GRID1: variants seen among roughly 807,000 people sequenced by gnomAD.
The protein encoded by GRID1 is glutamate ionotropic receptor delta type subunit 1, also known as glutamate receptor ionotropic, delta-1.
A neutral mutation model predicts 98.0 loss-of-function variants in GRID1; 28 were observed. The observed-to-expected ratio is 0.29, with a 90% CI of 0.21 to 0.39. The LOEUF (loss-of-function observed/expected upper bound fraction) is 0.39, where lower values mean the gene tolerates loss of function less well. Ranked by LOEUF, GRID1 falls within the 10% of genes least tolerant of loss-of-function variation. The pLI, the probability that GRID1 is intolerant of heterozygous loss-of-function variation, is 1.00. For synonymous variants in GRID1, 553 were observed against 538.5 expected, an observed-to-expected ratio of 1.03 and a Z score of -0.37; for missense variants, 1,111 against 1,340.5, an observed-to-expected ratio of 0.83 and a Z score of 2.67.
chr10:86,346,732 C>T lies in GRID1; in HGVS notation c.235+17209G>A, dbSNP rs140550045. Among the ~76,000 whole-genome samples, 972 of 152,312 alleles carry T rather than the reference C, an allele frequency of 6.4e-3. 7 individuals carry two copies. Among genetic ancestry groups the T allele is most frequent in the Non-Finnish European group, 9.4e-3 (638 of 68,014 alleles). On this transcript the variant is annotated intron_variant, in intron 2 of 15. Coordinates refer to ENST00000327946, the MANE Select transcript of GRID1 (RefSeq NM_017551.3). The stretch of plus-strand genomic sequence containing the variant: ...TGGCCCCACTAGGCAGAAGGATAAA[C>T]AGAGGCTGGCCAGGAGGATGGGGCA...
chr10:86,128,254 A>G (rs1227028282), intron 4 of GRID1, among the ~76,000 whole-genome samples: 1 of 152,024 alleles, frequency 6.6e-6, no homozygotes, highest in African/African-American at 2.4e-5. Flanking sequence ...TCTTATTTAA[A>G]TCGAAGTGGT....
At chr10:85,829,101 G>C (rs1008945117) in intron 8 of GRID1, among the ~76,000 whole-genome samples, 4 of 151,976 alleles carry the variant, frequency 2.6e-5, no homozygotes, top group African/African-American at 4.8e-5. Context: ...ATCAAAAAGC[G>C]AATCCACCAC....
intron 12 of GRID1, among the ~76,000 whole-genome samples, chr10:85,717,026 A>G (rs1841647770): frequency 6.6e-6 from 1 of 152,188 alleles, no homozygotes; most frequent in African/African-American, 2.4e-5. Context: ...GATGAATAAG[A>G]TCTGGAGATA....
At chr10:86,173,354 C>T (rs1474166570) in intron 3 of GRID1, among the ~76,000 whole-genome samples, 1 of 152,156 alleles carries the variant, frequency 6.6e-6, no homozygotes, top group Admixed American at 6.5e-5. Context: ...AGAATTTTTT[C>T]TAAATGCAAT....
chr10:85,955,403 C>T (rs372805279), intron 4 of GRID1, among the ~76,000 whole-genome samples: 2 of 152,072 alleles, frequency 1.3e-5, no homozygotes, highest in African/African-American at 2.4e-5. Context: ...AGAACCTGGA[C>T]GCAATGGCCT....
At chr10:86,348,927 A>G (rs1247852348) in intron 2 of GRID1, among the ~76,000 whole-genome samples, 1 of 152,210 alleles carries the variant, frequency 6.6e-6, no homozygotes, top group African/African-American at 2.4e-5. Context: ...AGCATGTACA[A>G]CTACAGAGCT....
chr10:85,673,691 C>T (rs1841112916), intron 12 of GRID1, among the ~76,000 whole-genome samples: 1 of 152,178 alleles, frequency 6.6e-6, no homozygotes, highest in African/African-American at 2.4e-5. Flanking sequence ...CTATTGAATA[C>T]TTAATAGACT....
At chr10:85,850,783 T>G (rs541139867) in intron 8 of GRID1, among the ~76,000 whole-genome samples, 1 of 152,272 alleles carries the variant, frequency 6.6e-6, no homozygotes, top group South Asian at 2.1e-4. Flanking sequence ...GACCCCTCCA[T>G]CCAACAATTA....
At chr10:86,222,590 CTG>C (rs1846274157) in intron 2 of GRID1, among the ~76,000 whole-genome samples, 1 of 152,186 alleles carries the variant, frequency 6.6e-6, no homozygotes, top group Non-Finnish European at 1.5e-5. Flanking sequence ...GGAGGGGCCT[CTG>C]AAAGACGCAC....
intron 3 of GRID1, among the ~76,000 whole-genome samples, chr10:86,201,159 A>G (rs554229811): frequency 1.3e-5 from 2 of 152,242 alleles, no homozygotes; most frequent in Non-Finnish European, 2.9e-5. Flanking sequence ...AAATCCTGGA[A>G]ACAACACAAA....
chr10:86,201,689 A>G (rs1057276959), intron 3 of GRID1, among the ~76,000 whole-genome samples: 6 of 126,906 alleles, frequency 4.7e-5, no homozygotes, highest in African/African-American at 1.7e-4. Context: ...AGCCTAAAAT[A>G]AAAGTTAAAA....
chr10:85,613,443 C>A lies in GRID1; in HGVS notation c.2565G>T (p.Trp855Cys). ...TCTCCTGGTGGCACCGGTTGCTGTTCCACCACAACTCCAGGGCAGCCACCA... is the reference window on the plus strand; with the variant it reads ...TCTCCTGGTGGCACCGGTTGCTGTTACACCACAACTCCAGGGCAGCCACCA... ...ACLVAALELW[W>C]NSNRCHQETP... The change falls in exon 15 of 16, where the codon TGG (tryptophan) becomes TGT (cysteine). Residue 855 changes from tryptophan (W) to cysteine (C), a missense_variant. Around this residue, in one of 3 missense-constraint regions of GRID1, gnomAD observed 762 missense variants for 869.1 expected, o/e 0.88. Coordinates refer to ENST00000327946, the MANE Select transcript of GRID1 (RefSeq NM_017551.3). 6.2e-7 allele frequency: 1 copy of A among 1,613,744 alleles called. No homozygotes were observed. Among genetic ancestry groups the A allele is most frequent in the Non-Finnish European group, 8.5e-7 (1 of 1,179,982 alleles).
intron 4 of GRID1, among the ~76,000 whole-genome samples, chr10:86,105,679 G>A (rs748976069): frequency 4.8e-4 from 73 of 152,172 alleles, no homozygotes; most frequent in Non-Finnish European, 4.7e-4. Flanking sequence ...CACCAGAGCC[G>A]GCACTGTGGA....
At chr10:86,320,868 G>C (rs1847961067) in intron 2 of GRID1, among the ~76,000 whole-genome samples, 1 of 152,104 alleles carries the variant, frequency 6.6e-6, no homozygotes. Flanking sequence ...GGGAGGCTGA[G>C]GTGGGTGGAT....
intron 2 of GRID1, among the ~76,000 whole-genome samples, chr10:86,238,158 T>C (rs1201504748): frequency 6.6e-6 from 1 of 152,172 alleles, no homozygotes; most frequent in East Asian, 1.9e-4. Context: ...AATTTGCATA[T>C]GTAAAGAGGA....
chr10:85,807,159 G>C (rs1842629878), intron 8 of GRID1, among the ~76,000 whole-genome samples: 1 of 151,996 alleles, frequency 6.6e-6, no homozygotes, highest in African/African-American at 2.4e-5. Context: ...AGACCAGCCT[G>C]GCCAACATGG....
At chr10:85,710,066 C>G (rs1841565717) in intron 12 of GRID1, among the ~76,000 whole-genome samples, 1 of 152,044 alleles carries the variant, frequency 6.6e-6, no homozygotes, top group Admixed American at 6.6e-5. Context: ...GAATGATCTA[C>G]TAATTCAATG....
At chr10:85,672,491 T>C (rs1041771248) in intron 12 of GRID1, among the ~76,000 whole-genome samples, 3 of 152,108 alleles carry the variant, frequency 2.0e-5, no homozygotes, top group Non-Finnish European at 4.4e-5. Context: ...TATTTTCAGT[T>C]GAGATTGGGT....
chr10:86,166,843 G>A (rs1845406428), intron 3 of GRID1, among the ~76,000 whole-genome samples: 1 of 152,186 alleles, frequency 6.6e-6, no homozygotes, highest in African/African-American at 2.4e-5. Context: ...TGCTGCTCTG[G>A]CCCAAGTACC....
Sources: gnomAD v4.1 joint callset for allele counts (sites outside exome capture counted in the v4.1 genomes callset) on GRCh38, gnomAD v4.1.1 for gene constraint, gnomAD v4.1.1 regional missense constraint, MANE v1.5 for transcripts, NCBI Gene and HGNC (gene_info 2026-07-23, HGNC 2026-07-21) for gene names.